RAB3B: variants seen among roughly 807,000 people sequenced by gnomAD.
RAB3B encodes the protein RAB3B, member RAS oncogene family.
RAB3B carries 11 observed loss-of-function variants against 20.5 expected under a neutral mutation model. That is an observed-to-expected ratio of 0.54 (90% CI 0.34 to 0.89). RAB3B has a LOEUF of 0.89. Among genes scored for constraint, RAB3B ranks in the 40% least tolerant of loss-of-function variants. RAB3B has a pLI of 0.02. For synonymous variants in RAB3B, 99 were observed against 106.3 expected (o/e 0.93, Z 0.42); for missense variants, 225 against 280.9 (o/e 0.80, Z 1.42).
intron 2 of RAB3B, among the ~76,000 whole-genome samples, chr1:51,960,188 A>G (rs1420558053): frequency 1.3e-5 from 2 of 152,268 alleles, no homozygotes; most frequent in African/African-American, 2.4e-5. Flanking sequence ...TCTGCTCTCA[A>G]TAAATGTTTA....
intron 4 of RAB3B, among the ~76,000 whole-genome samples, chr1:51,921,608 G>A (rs1221517491): frequency 6.6e-6 from 1 of 151,950 alleles, no homozygotes; most frequent in Non-Finnish European, 1.5e-5. Context: ...ATCTGAGTCT[G>A]GGCAAGTCAC....
rs1466231215 is a variant in RAB3B, at chr1:51,916,276, C to T, written c.*3651G>A. ...TATAACATTTAACTCTTGATTCCAT[C>T]TATTGTGAAGATGCTTGTTCCCTTG... is the stretch of plus-strand genomic sequence containing the variant. On this transcript the variant is annotated 3_prime_UTR_variant, in exon 5 of 5. Coordinates refer to ENST00000371655, the MANE Select transcript of RAB3B (RefSeq NM_002867.4). The T allele has an allele frequency of 6.6e-6, 1 of 152,224 alleles. No homozygotes were observed. The highest frequency in any genetic ancestry group is 1.9e-4 in the East Asian group (1 of 5,196). 9.4% of individuals were successfully genotyped at this position (152,224 alleles called of 1,614,324 possible).
intron 4 of RAB3B, among the ~76,000 whole-genome samples, chr1:51,921,190 G>A (rs1301291670): frequency 6.6e-6 from 1 of 152,104 alleles, no homozygotes; most frequent in Non-Finnish European, 1.5e-5. Flanking sequence ...TCTGTTGTCT[G>A]TCTGCTTTCC....
intron 2 of RAB3B, among the ~76,000 whole-genome samples, chr1:51,939,980 T>C (rs1041630905): frequency 6.6e-6 from 1 of 152,220 alleles, no homozygotes; most frequent in East Asian, 1.9e-4. Context: ...TCTATAGTTA[T>C]AATAAAAATA....
chr1:51,946,158 G>C (rs1303536105), intron 2 of RAB3B, among the ~76,000 whole-genome samples: 2 of 152,108 alleles, frequency 1.3e-5, no homozygotes, highest in Non-Finnish European at 2.9e-5. Flanking sequence ...ATAATGTAGG[G>C]GTAGAGCCTA....
intron 2 of RAB3B, among the ~76,000 whole-genome samples, chr1:51,959,587 G>A (rs1684759012): frequency 6.6e-6 from 1 of 152,116 alleles, no homozygotes; most frequent in African/African-American, 2.4e-5. Context: ...ACCTGGGCAA[G>A]GCAAGGAGTG....
At chr1:51,934,910 G>C (rs1299960420) in intron 3 of RAB3B, among the ~76,000 whole-genome samples, 1 of 150,582 alleles carries the variant, frequency 6.6e-6, no homozygotes, top group Non-Finnish European at 1.5e-5. Flanking sequence ...ATATTATGAA[G>C]ACATCTTTTT....
At chr1:51,941,647 T>C (rs1416030754) in intron 2 of RAB3B, among the ~76,000 whole-genome samples, 1 of 152,230 alleles carries the variant, frequency 6.6e-6, no homozygotes, top group Non-Finnish European at 1.5e-5. Flanking sequence ...AATTCAGCTC[T>C]GGCCCAGACT....
At chr1:51,980,780 C>CT (rs1424566197) in intron 1 of RAB3B, 19 of 752,908 alleles carry the variant, frequency 2.5e-5, no homozygotes, top group Non-Finnish European at 4.1e-5. Flanking sequence ...TGATTTAGAC[C>CT]TGTAGGTGCT....
chr1:51,944,527 T>C (rs1225141940), intron 2 of RAB3B, among the ~76,000 whole-genome samples: 1 of 152,238 alleles, frequency 6.6e-6, no homozygotes, highest in Non-Finnish European at 1.5e-5. Flanking sequence ...TATTCGTGAT[T>C]CATGGGAGGA....
At chr1:51,978,960 A>G (rs1205910261) in intron 1 of RAB3B, among the ~76,000 whole-genome samples, 1 of 152,192 alleles carries the variant, frequency 6.6e-6, no homozygotes, top group South Asian at 2.1e-4. Context: ...AGTTCCTTGC[A>G]TATGTCACCA....
At chr1:51,980,380 A>AT (rs1685070666) in intron 1 of RAB3B, 1 of 376,648 alleles carries the variant, frequency 2.7e-6, no homozygotes, top group Non-Finnish European at 4.9e-6. Flanking sequence ...GTAAACCATG[A>AT]TTGTGCCACT....
chr1:51,946,191 G>A (rs1312448361), intron 2 of RAB3B, among the ~76,000 whole-genome samples: 1 of 152,148 alleles, frequency 6.6e-6, no homozygotes, highest in Non-Finnish European at 1.5e-5. Context: ...CCACATGGTA[G>A]GTGCTCAATA....
chr1:51,925,829 T>C (rs993131028), intron 4 of RAB3B, among the ~76,000 whole-genome samples: 5 of 152,192 alleles, frequency 3.3e-5, no homozygotes, highest in African/African-American at 1.2e-4. Flanking sequence ...ATTGCTTATA[T>C]AGGTGATGGA....
intron 4 of RAB3B, among the ~76,000 whole-genome samples, chr1:51,920,708 G>A (rs1415161291): frequency 2.0e-5 from 3 of 152,276 alleles, no homozygotes; most frequent in Non-Finnish European, 2.9e-5. Context: ...AGTATGAGAA[G>A]CCCAGGTTTT....
At position 51,932,260 on chromosome 1, in the gene RAB3B, T is replaced by C. The variant is rs530121003; in HGVS notation, c.472+1058A>G. ...AGAAACTGTCAGAGACTTTAAACTC[T>C]CCACTCCTCAATACTTACAACACTA... is the stretch of plus-strand genomic sequence containing the variant. On this transcript the variant is annotated intron_variant, in intron 4 of 4. Transcript: ENST00000371655. Among the ~76,000 whole-genome samples, 13 of 152,276 alleles carry C rather than the reference T, an allele frequency of 8.5e-5. No homozygotes were observed. The East Asian group carries it at 2.5e-3, about 29-fold the overall frequency.
chr1:51,948,350 T>C (rs1012970477), intron 2 of RAB3B, among the ~76,000 whole-genome samples: 1 of 152,084 alleles, frequency 6.6e-6, no homozygotes, highest in African/African-American at 2.4e-5. Flanking sequence ...CAGAGAAGAG[T>C]GAAGGGAACT....
At chr1:51,928,640 T>A (rs139191164) in intron 4 of RAB3B, among the ~76,000 whole-genome samples, 2 of 152,266 alleles carry the variant, frequency 1.3e-5, no homozygotes, top group Non-Finnish European at 2.9e-5. Context: ...CCAGATCTGA[T>A]CATATCCTTG....
intron 1 of RAB3B, chr1:51,980,623 A>T: frequency 1.3e-6 from 1 of 778,714 alleles, no homozygotes; most frequent in South Asian, 1.3e-5. Flanking sequence ...CACAGCAGTC[A>T]GGGACATTTC....
Sources: allele counts gnomAD v4.1 joint callset (sites outside exome capture counted in the v4.1 genomes callset), GRCh38; gene constraint gnomAD v4.1.1; transcripts MANE v1.5; gene names NCBI Gene and HGNC (gene_info 2026-07-23, HGNC 2026-07-21).